The following ZNF365 variants were observed in gnomAD, a reference collection of about 807,000 sequenced individuals.
ZNF365 encodes protein ZNF365.
ZNF365 carries 22 observed loss-of-function variants against 35.0 expected under a neutral mutation model. That is an observed-to-expected ratio of 0.63 (90% CI 0.45 to 0.90). ZNF365 has a LOEUF of 0.90. Ranked by LOEUF, ZNF365 falls within the 40% of genes least tolerant of loss-of-function variation. ZNF365 has a pLI of 0.00. For synonymous variants in ZNF365, 188 were observed against 196.2 expected (o/e 0.96, Z 0.35); for missense variants, 448 against 500.3 (o/e 0.90, Z 1.00).
chr10:62,384,749 T>G (rs1464742792), intron 2 of ZNF365, among the ~76,000 whole-genome samples: 1 of 152,266 alleles, frequency 6.6e-6, no homozygotes, highest in East Asian at 1.9e-4. Context: ...AAAGAGTCAT[T>G]GCAATGTGGG....
In ZNF365 at chr10:62,400,542, G is replaced by A. The variant is rs1839810014; in HGVS notation, c.*753G>A. ...CCTCTATCTTAATAGCTGCTTCTGTGGATATGGCTGGGGAGCGAAGTAAAA... is the reference window on the plus strand; with the variant it reads ...CCTCTATCTTAATAGCTGCTTCTGTAGATATGGCTGGGGAGCGAAGTAAAA... On this transcript the variant is annotated 3_prime_UTR_variant, in exon 5 of 5. Transcript: ENST00000395254. The A allele has an allele frequency of 1.0e-6, 1 of 985,882 alleles. No homozygotes were observed. Among genetic ancestry groups the A allele is most frequent in the Non-Finnish European group, 1.2e-6 (1 of 829,956 alleles). The allele number at this position is 985,882 out of a possible 1,614,324, so 61.1% of individuals were successfully genotyped here. A position where few individuals can be genotyped will look rare whatever the true frequency, so the allele number is the denominator to read the frequency against.
intron 3 of ZNF365, among the ~76,000 whole-genome samples, chr10:62,393,467 G>A (rs1343867826): frequency 6.6e-6 from 1 of 152,216 alleles, no homozygotes; most frequent in African/African-American, 2.4e-5. Context: ...GTCACTTGGT[G>A]ATAGGAACTT....
intron 3 of ZNF365, among the ~76,000 whole-genome samples, chr10:62,431,553 C>T (rs375695490): frequency 6.6e-6 from 1 of 152,246 alleles, no homozygotes; most frequent in East Asian, 1.9e-4. Flanking sequence ...TGACCAGTCT[C>T]CTACTGATGG....
In ZNF365 at chr10:62,418,116, A is replaced by G. The variant is rs1041036762; in HGVS notation, c.924+29540A>G. Among the ~76,000 whole-genome samples the G allele has an allele frequency of 5.3e-5, 8 of 152,166 alleles. No homozygotes were observed. In the East Asian group the frequency reaches 1.2e-3, roughly 22 times the overall value. On this transcript the variant is annotated intron_variant, in intron 3 of 4. Transcript: ENST00000395255. ...ACAAACAACTAAAGGAATAAAAAATAGAATCTAATATATTTACTATCAGGA... is the reference window on the plus strand; with the variant it reads ...ACAAACAACTAAAGGAATAAAAAATGGAATCTAATATATTTACTATCAGGA...
chr10:62,398,874 A>G, intron 4 of ZNF365, 97 bp downstream of exon 4: 1 of 1,202,626 alleles, frequency 8.3e-7, no homozygotes, highest in South Asian at 1.5e-5. Context: ...TTTATATGAT[A>G]TCTATATTAT....
chr10:62,407,555 T>A (rs572216623), intron 3 of ZNF365, among the ~76,000 whole-genome samples: 1 of 151,614 alleles, frequency 6.6e-6, no homozygotes, highest in East Asian at 1.9e-4. Flanking sequence ...CCAGGAAAAA[T>A]CAGGGAGATG....
At chr10:62,435,707 A>G (rs1485404066) in intron 3 of ZNF365, among the ~76,000 whole-genome samples, 1 of 152,178 alleles carries the variant, frequency 6.6e-6, no homozygotes, top group Non-Finnish European at 1.5e-5. Flanking sequence ...CATGCATATT[A>G]TTTTTACCAT....
At position 62,400,932 on chromosome 10, in the gene ZNF365, T is replaced by C; in HGVS notation, c.*1143T>C. On this transcript the variant is annotated 3_prime_UTR_variant, in exon 5 of 5. Transcript: ENST00000395254. Reference sequence around the variant, plus strand: ...ATGTAGGAGCCAGAATCTGACACTGTCTTCCCCTCCTTCCCTCCCTAAAAT... The same window carrying C: ...ATGTAGGAGCCAGAATCTGACACTGCCTTCCCCTCCTTCCCTCCCTAAAAT... 1 of 985,576 alleles carries C rather than the reference T, an allele frequency of 1.0e-6. No homozygotes were observed. Among genetic ancestry groups the C allele is most frequent in the Non-Finnish European group, 1.2e-6 (1 of 829,934 alleles). 61.1% of individuals were successfully genotyped at this position (985,576 alleles called of 1,614,324 possible). A position where few individuals can be genotyped will look rare whatever the true frequency, so the allele number is the denominator to read the frequency against.
At chr10:62,388,241 T>C (rs919498050) in intron 2 of ZNF365, among the ~76,000 whole-genome samples, 155 bp from the exon 3 acceptor site, 2 of 152,254 alleles carry the variant, frequency 1.3e-5, no homozygotes, top group African/African-American at 4.8e-5. Context: ...TCTGTAAATG[T>C]AATCACAAAG....
At chr10:62,382,989 G>A (rs7101165) in intron 2 of ZNF365, among the ~76,000 whole-genome samples, 7,625 of 152,254 alleles carry the variant, frequency 0.05, 281 homozygotes, top group South Asian at 0.12. Context: ...AAGAATAGAA[G>A]AGAGGCATCA....
At chr10:62,396,531 G>T (rs1839730821) in intron 3 of ZNF365, among the ~76,000 whole-genome samples, 1 of 152,154 alleles carries the variant, frequency 6.6e-6, no homozygotes, top group Non-Finnish European at 1.5e-5. Context: ...ATATGTGTGA[G>T]CTTCATGACC....
chr10:62,466,960 C>A (rs1441830134), intron 4 of ZNF365, among the ~76,000 whole-genome samples: 1 of 152,086 alleles, frequency 6.6e-6, no homozygotes, highest in Non-Finnish European at 1.5e-5. Flanking sequence ...TGCCACCACA[C>A]CTGGCTAATT....
At position 62,399,835 on chromosome 10, in the gene ZNF365, G is replaced by A. The variant is rs778967202; in HGVS notation, c.*46G>A. The A allele has an allele frequency of 1.3e-5, 20 of 1,559,758 alleles. 2 individuals are homozygous for A. The highest frequency in any genetic ancestry group is 8.2e-5 in the South Asian group (7 of 85,116). Reference sequence around the variant, plus strand: ...CAATCATCGCTGGGCTTTGGGGAACGTTGTTCCAGGAGCCAACAGTAATGT... The same window carrying A: ...CAATCATCGCTGGGCTTTGGGGAACATTGTTCCAGGAGCCAACAGTAATGT... On this transcript the variant is annotated 3_prime_UTR_variant, in exon 5 of 5. Coordinates refer to ENST00000395254, the MANE Select transcript of ZNF365 (RefSeq NM_014951.3).
At chr10:62,417,462 C>T (rs1589444659) in intron 3 of ZNF365, among the ~76,000 whole-genome samples, 1 of 152,014 alleles carries the variant, frequency 6.6e-6, no homozygotes, top group African/African-American at 2.4e-5. Flanking sequence ...TTCCTGCAGG[C>T]TTTACCTCTA....
intron 3 of ZNF365, among the ~76,000 whole-genome samples, chr10:62,451,881 T>G (rs11598789): frequency 0.067 from 10,134 of 152,260 alleles, 352 homozygotes; most frequent in Non-Finnish European, 0.076. Flanking sequence ...ATGGGTAATG[T>G]GACAAGGAAT....
chr10:62,466,255 C>T (rs1291056108), intron 4 of ZNF365, among the ~76,000 whole-genome samples: 1 of 152,220 alleles, frequency 6.6e-6, no homozygotes, highest in African/African-American at 2.4e-5. Context: ...ACTGCATTCC[C>T]CTTGTCTGTC....
At chr10:62,433,733 C>T (rs1235361642) in intron 3 of ZNF365, among the ~76,000 whole-genome samples, 1 of 152,100 alleles carries the variant, frequency 6.6e-6, no homozygotes, top group East Asian at 1.9e-4. Flanking sequence ...GCCAAACACA[C>T]ATTATGATTG....
intron 3 of ZNF365, among the ~76,000 whole-genome samples, chr10:62,412,485 G>A (rs540416119): frequency 7.6e-4 from 115 of 152,164 alleles, no homozygotes; most frequent in African/African-American, 2.7e-3. Flanking sequence ...TAGGGAGAGA[G>A]GAAGTCAAAT....
At chr10:62,444,350 A>C (rs971814575) in intron 3 of ZNF365, among the ~76,000 whole-genome samples, 1 of 152,078 alleles carries the variant, frequency 6.6e-6, no homozygotes, top group Non-Finnish European at 1.5e-5. Context: ...TCAGTGTATA[A>C]CTTCTGAGCC....
Sources: gnomAD v4.1 joint callset for allele counts (sites outside exome capture counted in the v4.1 genomes callset) on GRCh38, gnomAD v4.1.1 for gene constraint, MANE v1.5 for transcripts, NCBI Gene and HGNC (gene_info 2026-07-23, HGNC 2026-07-21) for gene names.